ANKRD6: variants seen among roughly 807,000 people sequenced by gnomAD.
ANKRD6 encodes the protein ankyrin repeat domain 6.
A neutral mutation model predicts 82.3 loss-of-function variants in ANKRD6; 56 were observed. That is an observed-to-expected ratio of 0.68 (90% confidence interval 0.55 to 0.85). The LOEUF is 0.85. Ranked by LOEUF, ANKRD6 falls within the 40% of genes least tolerant of loss-of-function variation. ANKRD6 has a pLI of 0.00. For missense variants in ANKRD6, 852 were observed against 907.6 expected (o/e 0.94, Z 0.79); for synonymous variants, 347 against 352.1 (o/e 0.99, Z 0.16).
intron 1 of ANKRD6, among the ~76,000 whole-genome samples, chr6:89,534,121 G>A (rs1364049828): frequency 1.3e-5 from 2 of 152,126 alleles, no homozygotes; most frequent in African/African-American, 4.8e-5. Flanking sequence ...TATTAATAAT[G>A]CAGCTAAATT....
In ANKRD6 at chr6:89,433,987, G is replaced by A. The variant is rs1441406321; in HGVS notation, c.-144+612G>A. On this transcript the variant is annotated intron_variant, in intron 1 of 15. Transcript: ENST00000339746. The surrounding 1 kb of genome is among the most constrained non-coding windows in gnomAD (Gnocchi z 4.3). ...TGGGCTTTTAAGTGTGTTGCTTCCG[G>A]TAGATCTCGGGGACTGGAGGGGAAG... 1.3e-5 allele frequency among the ~76,000 whole-genome samples: 2 copies of A among 152,210 alleles called. No homozygotes were observed. The highest frequency in any genetic ancestry group is 2.9e-5 in the Non-Finnish European group (2 of 68,040).
intron 1 of ANKRD6, among the ~76,000 whole-genome samples, chr6:89,531,940 G>C (rs748524491): frequency 2.6e-5 from 4 of 152,224 alleles, no homozygotes; most frequent in East Asian, 3.9e-4. Context: ...TGAGTTCTAA[G>C]GCCAGCAGGC....
intron 1 of ANKRD6, among the ~76,000 whole-genome samples, chr6:89,455,459 T>C (rs1766947574): frequency 6.6e-6 from 1 of 152,126 alleles, no homozygotes; most frequent in South Asian, 2.1e-4. Context: ...CTCACTATTA[T>C]GAGGACAACA....
intron 1 of ANKRD6, among the ~76,000 whole-genome samples, chr6:89,487,159 A>G (rs929436441): frequency 6.6e-6 from 1 of 152,198 alleles, no homozygotes; most frequent in Non-Finnish European, 1.5e-5. Context: ...TAATGGGGAG[A>G]ATGTTAATAC....
intron 1 of ANKRD6, among the ~76,000 whole-genome samples, chr6:89,549,504 G>T (rs1348020574): frequency 6.6e-6 from 1 of 151,766 alleles, no homozygotes; most frequent in Non-Finnish European, 1.5e-5. Flanking sequence ...CCAGAACTGT[G>T]AGAAATAGAT....
intron 1 of ANKRD6, among the ~76,000 whole-genome samples, chr6:89,475,177 G>C (rs1775896453): frequency 6.6e-6 from 1 of 152,092 alleles, no homozygotes; most frequent in South Asian, 2.1e-4. Context: ...CACCCAAAAC[G>C]CTCTATGTAA....
rs972545876 is a variant in ANKRD6 at position 89,477,435 on chromosome 6, G to T, written c.-144+44060G>T. ...ACCATCATTGTTTCTTAATTAGGGG[G>T]TGGTCATGGACCTTTTTAAAAATCT... On this transcript the variant is annotated intron_variant, in intron 1 of 15. Transcript: ENST00000339746. 1.8e-4 allele frequency among the ~76,000 whole-genome samples: 27 copies of T among 151,846 alleles called. 1 individual carries two copies. Among genetic ancestry groups the T allele is most frequent in the African/African-American group, 6.5e-4 (27 of 41,318 alleles).
chr6:89,627,983 A>G (rs1430634080), intron 14 of ANKRD6, among the ~76,000 whole-genome samples: 1 of 152,196 alleles, frequency 6.6e-6, no homozygotes, highest in Non-Finnish European at 1.5e-5. Context: ...TTAGGCCATT[A>G]CAGTTTTAGA....
intron 1 of ANKRD6, among the ~76,000 whole-genome samples, chr6:89,434,944 C>T (rs1036479529): frequency 3.9e-5 from 6 of 152,096 alleles, no homozygotes; most frequent in African/African-American, 1.4e-4. Flanking sequence ...AACAACTAGT[C>T]GCAGTGTTGG....
At chr6:89,522,974 A>C (rs1476968985) in intron 1 of ANKRD6, among the ~76,000 whole-genome samples, 1 of 152,192 alleles carries the variant, frequency 6.6e-6, no homozygotes, top group Non-Finnish European at 1.5e-5. Flanking sequence ...GGATTGCTCC[A>C]GGTCACAGGC....
rs182501716 is a variant in ANKRD6 at position 89,571,535 on chromosome 6, T to C, written c.120+4439T>C. Reference sequence around the variant, plus strand: ...GGTGTTGAGTTGTAAGAGTTCTTTATATATTCTAGATATTAATCCTTTATC... The same window carrying C: ...GGTGTTGAGTTGTAAGAGTTCTTTACATATTCTAGATATTAATCCTTTATC... On this transcript the variant is annotated intron_variant, in intron 2 of 15. Transcript: ENST00000339746. Among the ~76,000 whole-genome samples, 74 of 152,354 alleles carry C rather than the reference T, an allele frequency of 4.9e-4. 1 individual carries two copies. Among genetic ancestry groups the C allele is most frequent in the Non-Finnish European group, 1.3e-4 (9 of 68,034 alleles).
At chr6:89,463,275 AAAC>A (rs1410728999) in intron 1 of ANKRD6, among the ~76,000 whole-genome samples, 2 of 152,150 alleles carry the variant, frequency 1.3e-5, no homozygotes, top group African/African-American at 4.8e-5. Context: ...AATTTTTTTA[AAAC>A]AATTTTTAAT....
chr6:89,570,814 A>G (rs896950803), intron 2 of ANKRD6, among the ~76,000 whole-genome samples: 9 of 152,196 alleles, frequency 5.9e-5, no homozygotes, highest in African/African-American at 2.2e-4. Context: ...TTGGGTTGCT[A>G]CCGCCTTTTG....
At chr6:89,576,775 T>C (rs1238298245) in intron 2 of ANKRD6, among the ~76,000 whole-genome samples, 1 of 152,066 alleles carries the variant, frequency 6.6e-6, no homozygotes, top group African/African-American at 2.4e-5. Context: ...TTTTCCTGCC[T>C]CTAAAATTGG....
intron 9 of ANKRD6, 85 bp downstream of exon 9, chr6:89,618,116 C>T: frequency 1.4e-6 from 2 of 1,417,472 alleles, no homozygotes; most frequent in South Asian, 1.1e-5. Flanking sequence ...ACTGAAGCCT[C>T]TTCAAACTAA....
At chr6:89,629,401 A>G (rs1035670727) in intron 15 of ANKRD6, 163 bp downstream of exon 15, 1 of 928,292 alleles carries the variant, frequency 1.1e-6, no homozygotes, top group Admixed American at 2.0e-5. Context: ...GTAACCATAT[A>G]CTCAGTTGCT....
At chr6:89,545,597 GACGGGTACAGTC>G (rs1784992675) in intron 1 of ANKRD6, among the ~76,000 whole-genome samples, 1 of 152,188 alleles carries the variant, frequency 6.6e-6, no homozygotes, top group African/African-American at 2.4e-5. Flanking sequence ...ATTCCTGTGT[GACGGGTACAGTC>G]ACAGGAATCT....
Position 89,570,683 on chromosome 6 carries a change from C to T in ANKRD6, c.120+3587C>T, listed in dbSNP as rs369165478. Among the ~76,000 whole-genome samples, 10 of 152,262 alleles carry T rather than the reference C, an allele frequency of 6.6e-5. No homozygotes were observed. The East Asian group carries it at 1.5e-3, about 24-fold the overall frequency. On this transcript the variant is annotated intron_variant, in intron 2 of 15. Coordinates refer to ENST00000339746, the MANE Select transcript of ANKRD6 (RefSeq NM_001242809.2). ...TTTGTGACTAGCTTATTGCACTTAG[C>T]GTGTTTTCAAGATTCACTCATGTAG...
chr6:89,489,263 C>T (rs540790315), intron 1 of ANKRD6, among the ~76,000 whole-genome samples: 59 of 152,318 alleles, frequency 3.9e-4, no homozygotes, highest in African/African-American at 1.3e-3. Flanking sequence ...CAGCTGACAG[C>T]TCTGCCTGAG....
Sources: allele counts gnomAD v4.1 joint callset (sites outside exome capture counted in the v4.1 genomes callset), GRCh38; gene constraint gnomAD v4.1.1; non-coding constraint Gnocchi (gnomAD v3.1); transcripts MANE v1.5; gene names NCBI Gene and HGNC (gene_info 2026-07-23, HGNC 2026-07-21).